The following CDH18 variants were observed in gnomAD, a reference collection of about 807,000 sequenced individuals.
CDH18 encodes cadherin 18, also known as cadherin-18.
CDH18 carries 31 observed loss-of-function variants against 67.9 expected under a neutral mutation model. That is an observed-to-expected ratio of 0.46 (90% confidence interval 0.34 to 0.62). The LOEUF (loss-of-function observed/expected upper bound fraction) is 0.62, where lower values mean the gene tolerates loss of function less well. Among genes scored for constraint, CDH18 ranks in the 20% least tolerant of loss-of-function variants. The probability of loss-of-function intolerance (pLI) is 0.01; values close to 1 mark genes in which losing one functional copy is unlikely to be tolerated. For synonymous variants in CDH18, 362 were observed against 347.2 expected (o/e 1.04, Z -0.48); for missense variants, 890 against 975.5 (o/e 0.91, Z 1.17).
chr5:19,753,379 A>T (rs552538614), intron 3 of CDH18, among the ~76,000 whole-genome samples: 1 of 152,360 alleles, frequency 6.6e-6, no homozygotes, highest in Non-Finnish European at 1.5e-5. Context: ...ACAGATAGAA[A>T]TGCAAAATTT....
chr5:19,927,752 A>C (rs1579638217), intron 2 of CDH18, among the ~76,000 whole-genome samples: 1 of 152,298 alleles, frequency 6.6e-6, no homozygotes. Context: ...TGTGTCAGAA[A>C]AAACCTGAGA....
intron 2 of CDH18, among the ~76,000 whole-genome samples, chr5:20,138,653 A>T (rs1161490521): frequency 6.6e-6 from 1 of 152,200 alleles, no homozygotes; most frequent in Admixed American, 6.5e-5. Context: ...AATCATAAAC[A>T]TTCCTATACA....
chr5:20,563,589 G>T (rs1018097786), intron 1 of CDH18, among the ~76,000 whole-genome samples: 1 of 152,054 alleles, frequency 6.6e-6, no homozygotes, highest in Non-Finnish European at 1.5e-5. Flanking sequence ...GGGTACATGT[G>T]TACAAGGTGC....
intron 4 of CDH18, among the ~76,000 whole-genome samples, chr5:19,741,245 G>GTA (rs1316271539): frequency 2.4e-5 from 2 of 84,672 alleles, no homozygotes; most frequent in Admixed American, 1.4e-4. Flanking sequence ...GTACATATAT[G>GTA]TATGTATATA....
chr5:19,910,664 T>C (rs775902992), intron 2 of CDH18, among the ~76,000 whole-genome samples: 312 of 151,982 alleles, frequency 2.1e-3, no homozygotes, highest in Non-Finnish European at 2.9e-3. Context: ...CAAATCAAAA[T>C]AAAAAGGTGT....
chr5:20,089,123 A>T (rs911465788), intron 2 of CDH18, among the ~76,000 whole-genome samples: 1 of 152,196 alleles, frequency 6.6e-6, no homozygotes, highest in Non-Finnish European at 1.5e-5. Flanking sequence ...AATAAGTCCC[A>T]ATCTCTTATA....
chr5:20,210,989 C>T (rs184081451), intron 2 of CDH18, among the ~76,000 whole-genome samples: 46 of 152,136 alleles, frequency 3.0e-4, no homozygotes, highest in Non-Finnish European at 4.9e-4. Context: ...TTTGCAACTT[C>T]ATAAGCACAT....
chr5:20,017,652 G>T (rs934023851), intron 2 of CDH18, among the ~76,000 whole-genome samples: 1 of 152,110 alleles, frequency 6.6e-6, no homozygotes, highest in Non-Finnish European at 1.5e-5. Flanking sequence ...TCACATCAGT[G>T]GTCACCAGTT....
intron 2 of CDH18, among the ~76,000 whole-genome samples, chr5:19,891,675 G>A (rs527996025): frequency 2.6e-5 from 4 of 152,062 alleles, no homozygotes; most frequent in Admixed American, 6.6e-5. Flanking sequence ...ATTGGTGTGA[G>A]ATCCATGTAA....
At chr5:19,636,119 A>C (rs1191081135) in intron 5 of CDH18, among the ~76,000 whole-genome samples, 1 of 152,148 alleles carries the variant, frequency 6.6e-6, no homozygotes, top group Admixed American at 6.5e-5. Flanking sequence ...AGTCTAATTA[A>C]GTTAGGACAA....
intron 5 of CDH18, among the ~76,000 whole-genome samples, chr5:19,664,677 C>T (rs183095367): frequency 3.9e-5 from 6 of 152,012 alleles, no homozygotes; most frequent in Admixed American, 2.6e-4. Context: ...GGTGCCAGTT[C>T]AGGTTGCATT....
rs548967775 is a variant in CDH18, at chr5:20,086,785, T to C, written c.-517-94771A>G. Among the ~76,000 whole-genome samples the C allele has an allele frequency of 4.6e-5, 7 of 152,278 alleles. No homozygotes were observed. The South Asian group carries it at 6.2e-4, about 14-fold the overall frequency. On this transcript the variant is annotated intron_variant, in intron 2 of 14. Transcript: ENST00000507958. Reference sequence around the variant, plus strand: ...AAGAAAGACTCTTTCTAAATACTAATGCTCATTGATAAGGTACCTGGTCAC... The same window carrying C: ...AAGAAAGACTCTTTCTAAATACTAACGCTCATTGATAAGGTACCTGGTCAC...
chr5:19,900,988 G>C (rs1008748145), intron 2 of CDH18, among the ~76,000 whole-genome samples: 3 of 152,074 alleles, frequency 2.0e-5, no homozygotes, highest in Admixed American at 1.3e-4. Context: ...GACTTGCCTA[G>C]TGTGGCCTTG....
chr5:20,254,663 G>A (rs1477724372), intron 2 of CDH18, among the ~76,000 whole-genome samples: 1 of 152,106 alleles, frequency 6.6e-6, no homozygotes, highest in Non-Finnish European at 1.5e-5. Context: ...TATTCGTGTT[G>A]GTTAGAATGT....
At chr5:19,572,707 G>A (rs1001927659) in intron 7 of CDH18, among the ~76,000 whole-genome samples, 6 of 151,980 alleles carry the variant, frequency 3.9e-5, no homozygotes, top group South Asian at 4.1e-4. Flanking sequence ...TGAAGGTTTC[G>A]CTCTAATTAC....
At chr5:20,197,267 C>T (rs1739057009) in intron 2 of CDH18, among the ~76,000 whole-genome samples, 1 of 152,130 alleles carries the variant, frequency 6.6e-6, no homozygotes. Flanking sequence ...CTGCCTTGGC[C>T]TCCCAAAGTG....
intron 2 of CDH18, among the ~76,000 whole-genome samples, chr5:19,965,447 T>A (rs1299044912): frequency 1.3e-5 from 2 of 152,196 alleles, no homozygotes; most frequent in Non-Finnish European, 2.9e-5. Context: ...TTACATAAAC[T>A]ATATCTGACT....
chr5:20,213,612 T>C (rs942274775), intron 2 of CDH18, among the ~76,000 whole-genome samples: 6 of 151,978 alleles, frequency 3.9e-5, no homozygotes, highest in Non-Finnish European at 7.4e-5. Flanking sequence ...TGGAAGGGAG[T>C]ATGTGTCCAG....
chr5:19,490,197 A>G (rs1339265222), intron 11 of CDH18, among the ~76,000 whole-genome samples: 3 of 151,950 alleles, frequency 2.0e-5, no homozygotes, highest in Non-Finnish European at 2.9e-5. Context: ...GTATAATTCT[A>G]TTTTTAAAAT....
Sources: allele counts gnomAD v4.1 joint callset (sites outside exome capture counted in the v4.1 genomes callset), GRCh38; gene constraint gnomAD v4.1.1; transcripts MANE v1.5; gene names NCBI Gene and HGNC (gene_info 2026-07-23, HGNC 2026-07-21).